Variants in ROBO1 observed in about 807,000 individuals in gnomAD.
ROBO1 encodes the protein roundabout homolog 1.
Under a neutral mutation model 195.9 loss-of-function variants are expected in ROBO1, and 149 were observed. That is an observed-to-expected ratio of 0.76 (90% confidence interval 0.67 to 0.87). ROBO1 has a LOEUF of 0.87. ROBO1 is among the 40% of genes least tolerant of loss of function. The probability of loss-of-function intolerance (pLI) is 0.00; values close to 1 mark genes in which losing one functional copy is unlikely to be tolerated. For synonymous variants in ROBO1, 816 were observed against 733.2 expected (o/e 1.11, Z -1.82); for missense variants, 1,933 against 2,068.3 (o/e 0.93, Z 1.27).
intron 3 of ROBO1, among the ~76,000 whole-genome samples, chr3:79,031,002 G>A (rs1192687062): frequency 4.6e-5 from 7 of 152,166 alleles, no homozygotes; most frequent in East Asian, 1.9e-4. Flanking sequence ...GATTACAGGC[G>A]TGAGCCACCA....
intron 3 of ROBO1, among the ~76,000 whole-genome samples, chr3:79,111,370 C>T (rs576155931): frequency 4.6e-5 from 7 of 152,212 alleles, no homozygotes; most frequent in Non-Finnish European, 7.4e-5. Flanking sequence ...AAGGAATTAG[C>T]TGGATGGGTT....
intron 4 of ROBO1, among the ~76,000 whole-genome samples, chr3:78,783,068 C>T (rs901564558): frequency 6.6e-6 from 1 of 152,084 alleles, no homozygotes; most frequent in Non-Finnish European, 1.5e-5. Flanking sequence ...TTATTTATTT[C>T]CCTTTTTAAA....
At chr3:78,943,717 C>T (rs1229309269) in intron 3 of ROBO1, among the ~76,000 whole-genome samples, 1 of 152,100 alleles carries the variant, frequency 6.6e-6, no homozygotes, top group Non-Finnish European at 1.5e-5. Context: ...CTGAACTTTG[C>T]TTCTAAGAAA....
intron 2 of ROBO1, among the ~76,000 whole-genome samples, chr3:79,525,228 AT>A (rs1163733208): frequency 1.3e-5 from 2 of 150,870 alleles, no homozygotes; most frequent in African/African-American, 4.8e-5. Context: ...GTTATGGTTA[AT>A]TTTTTAGTCT....
At chr3:79,176,963 G>C (rs1231355031) in intron 2 of ROBO1, among the ~76,000 whole-genome samples, 1 of 152,092 alleles carries the variant, frequency 6.6e-6, no homozygotes, top group Non-Finnish European at 1.5e-5. Context: ...TACATAGTAA[G>C]TGTCTCTGTC....
intron 1 of ROBO1, among the ~76,000 whole-genome samples, chr3:79,755,446 C>A (rs548798011): frequency 8.0e-4 from 122 of 152,196 alleles, no homozygotes; most frequent in African/African-American, 2.8e-3. Flanking sequence ...ACCCTCACAG[C>A]TCATGCCCTC....
intron 3 of ROBO1, among the ~76,000 whole-genome samples, chr3:78,961,348 C>T (rs1026542237): frequency 1.3e-5 from 2 of 152,196 alleles, no homozygotes; most frequent in African/African-American, 4.8e-5. Flanking sequence ...GTATAACCCA[C>T]AGAATGCTTG....
intron 4 of ROBO1, among the ~76,000 whole-genome samples, chr3:78,791,927 G>C (rs1221168147): frequency 1.3e-5 from 2 of 152,212 alleles, no homozygotes; most frequent in Admixed American, 1.3e-4. Flanking sequence ...TATGACAAGA[G>C]CTAAGCTCAA....
chr3:78,690,248 A>G (rs1051053533), intron 8 of ROBO1, among the ~76,000 whole-genome samples: 2 of 151,168 alleles, frequency 1.3e-5, no homozygotes, highest in African/African-American at 4.9e-5. Context: ...TAGAACTCCT[A>G]CCTTCTAGAT....
At chr3:79,711,690 A>G (rs759600349) in intron 1 of ROBO1, among the ~76,000 whole-genome samples, 3 of 152,116 alleles carry the variant, frequency 2.0e-5, no homozygotes, top group Non-Finnish European at 4.4e-5. Flanking sequence ...GCCTTGTTGT[A>G]TTGAAATTTG....
intron 1 of ROBO1, among the ~76,000 whole-genome samples, chr3:79,620,820 A>C (rs767880464): frequency 1.3e-5 from 2 of 152,120 alleles, no homozygotes; most frequent in Non-Finnish European, 2.9e-5. Context: ...AGCAGGCTTT[A>C]AAAGGGTTAA....
At chr3:79,269,591 A>G (rs2030332067) in intron 2 of ROBO1, among the ~76,000 whole-genome samples, 1 of 151,748 alleles carries the variant, frequency 6.6e-6, no homozygotes, top group African/African-American at 2.4e-5. Context: ...TTATTAGGGC[A>G]GATTTTTTGC....
chr3:79,645,288 G>T (rs997600286), intron 1 of ROBO1, among the ~76,000 whole-genome samples: 1 of 151,904 alleles, frequency 6.6e-6, no homozygotes, highest in African/African-American at 2.4e-5. Context: ...GATTGCTTGA[G>T]CCCAGGAGTT....
intron 3 of ROBO1, among the ~76,000 whole-genome samples, chr3:79,067,030 A>G (rs2079014186): frequency 6.6e-6 from 1 of 151,958 alleles, no homozygotes; most frequent in Non-Finnish European, 1.5e-5. Flanking sequence ...ACTAGATACC[A>G]TTAAAAAAAT....
At position 79,040,898 on chromosome 3, in the gene ROBO1, C is replaced by A. The variant is rs553216823; in HGVS notation, c.172+84558G>T. ...AAAATTCCAGACACTTTAGAATAGC[C>A]CAAAAGGCTATGACTCTTCACAGTC... On this transcript the variant is annotated intron_variant, in intron 3 of 30. Transcript: ENST00000464233. Among the ~76,000 whole-genome samples the A allele has an allele frequency of 2.6e-5, 4 of 152,216 alleles. No homozygotes were observed. In the East Asian group the frequency reaches 7.7e-4, roughly 29 times the overall value.
At chr3:79,563,466 C>T (rs11718637) in intron 2 of ROBO1, among the ~76,000 whole-genome samples, 41,250 of 151,958 alleles carry the variant, frequency 0.27, 5,749 homozygotes, top group Non-Finnish European at 0.32. Flanking sequence ...GTTTATGCCA[C>T]ATGGCTTTTT....
At chr3:79,532,702 A>G (rs1168496442) in intron 2 of ROBO1, among the ~76,000 whole-genome samples, 1 of 152,176 alleles carries the variant, frequency 6.6e-6, no homozygotes, top group Non-Finnish European at 1.5e-5. Flanking sequence ...CCCATTTGCT[A>G]TTGTCAAAAA....
intron 28 of ROBO1, among the ~76,000 whole-genome samples, chr3:78,610,906 C>T (rs3773192): frequency 0.72 from 110,154 of 151,968 alleles, 39,995 homozygotes; most frequent in Middle Eastern, 0.81. Context: ...ATATCTCTGC[C>T]TATGAGGCCA....
chr3:79,696,245 A>C (rs1048310266), intron 1 of ROBO1, among the ~76,000 whole-genome samples: 1 of 151,248 alleles, frequency 6.6e-6, no homozygotes, highest in Non-Finnish European at 1.5e-5. Flanking sequence ...TTGCATATTT[A>C]ATTTCTCTCT....
Sources: allele counts gnomAD v4.1 joint callset (sites outside exome capture counted in the v4.1 genomes callset), GRCh38; gene constraint gnomAD v4.1.1; transcripts MANE v1.5; gene names NCBI Gene and HGNC (gene_info 2026-07-23, HGNC 2026-07-21).